ROBO1: variants seen among roughly 807,000 people sequenced by gnomAD.
ROBO1 encodes roundabout guidance receptor 1.
In ROBO1, 149 loss-of-function variants were observed where a neutral mutation model predicts 195.9. The ratio of observed to expected loss-of-function variants is 0.76; its 90% confidence interval spans 0.67 to 0.87. ROBO1 has a LOEUF of 0.87. Among genes scored for constraint, ROBO1 ranks in the 40% least tolerant of loss-of-function variants. The pLI, the probability that ROBO1 is intolerant of heterozygous loss-of-function variation, is 0.00. For synonymous variants in ROBO1, 816 were observed against 733.2 expected, an observed-to-expected ratio of 1.11 and a Z score of -1.82; for missense variants, 1,933 against 2,068.3, an observed-to-expected ratio of 0.93 and a Z score of 1.27.
At chr3:79,341,640 G>A (rs1045262949) in intron 2 of ROBO1, among the ~76,000 whole-genome samples, 1 of 151,788 alleles carries the variant, frequency 6.6e-6, no homozygotes, top group Non-Finnish European at 1.5e-5. Flanking sequence ...CACTGTGCCT[G>A]GCTTCTACTG....
At chr3:79,419,374 A>G (rs180766939) in intron 2 of ROBO1, among the ~76,000 whole-genome samples, 4 of 152,236 alleles carry the variant, frequency 2.6e-5, no homozygotes, top group Non-Finnish European at 4.4e-5. Flanking sequence ...TGAGTATGAC[A>G]TAGTCCAGCC....
At chr3:78,662,240 T>C (rs537093034) in intron 14 of ROBO1, 126 bp from the exon 15 acceptor site, 45 of 685,768 alleles carry the variant, frequency 6.6e-5, no homozygotes, top group Middle Eastern at 3.6e-4. Flanking sequence ...CAGGCTGTGA[T>C]TCGGAAAAAA....
intron 4 of ROBO1, among the ~76,000 whole-genome samples, chr3:78,906,019 A>G (rs162265): frequency 4.6e-5 from 7 of 151,960 alleles, no homozygotes; most frequent in Non-Finnish European, 5.9e-5. Flanking sequence ...TAACTCTAAT[A>G]AAAGTCTAAG....
intron 2 of ROBO1, among the ~76,000 whole-genome samples, chr3:79,428,208 T>C (rs188746515): frequency 1.3e-5 from 2 of 152,170 alleles, no homozygotes; most frequent in Admixed American, 6.6e-5. Flanking sequence ...AGGTGTCCAA[T>C]AGAGGTATCA....
chr3:79,633,430 G>C (rs1352682603), intron 1 of ROBO1, among the ~76,000 whole-genome samples: 2 of 148,754 alleles, frequency 1.3e-5, no homozygotes, highest in Non-Finnish European at 3.0e-5. Context: ...GGTCAAATGA[G>C]GAGGCTCAGC....
At chr3:79,092,479 CAG>C (rs1339131859) in intron 3 of ROBO1, among the ~76,000 whole-genome samples, 1 of 152,120 alleles carries the variant, frequency 6.6e-6, no homozygotes, top group Non-Finnish European at 1.5e-5. Context: ...AATTGCCAGA[CAG>C]AGATGTCATT....
At chr3:79,466,149 T>C (rs1389076070) in intron 2 of ROBO1, among the ~76,000 whole-genome samples, 1 of 152,144 alleles carries the variant, frequency 6.6e-6, no homozygotes, top group Non-Finnish European at 1.5e-5. Context: ...CTGAAGGATA[T>C]GAATGTATAT....
At chr3:79,468,143 A>C (rs915056628) in intron 2 of ROBO1, among the ~76,000 whole-genome samples, 1 of 152,222 alleles carries the variant, frequency 6.6e-6, no homozygotes, top group Non-Finnish European at 1.5e-5. Flanking sequence ...GAAACAAACC[A>C]GTAATATTTA....
intron 4 of ROBO1, among the ~76,000 whole-genome samples, chr3:78,768,989 T>C (rs1049315979): frequency 1.3e-5 from 2 of 152,164 alleles, no homozygotes; most frequent in African/African-American, 4.8e-5. Context: ...GCCTATCATA[T>C]GGTCTGTCTT....
chr3:78,857,094 T>C (rs1219385569), intron 4 of ROBO1, among the ~76,000 whole-genome samples: 1 of 152,166 alleles, frequency 6.6e-6, no homozygotes, highest in Non-Finnish European at 1.5e-5. Context: ...TGATGATAAA[T>C]ATTATTTATG....
chr3:78,931,209 A>T (rs2039504144), intron 4 of ROBO1, among the ~76,000 whole-genome samples: 2 of 150,504 alleles, frequency 1.3e-5, no homozygotes, highest in Admixed American at 1.3e-4. Flanking sequence ...TCTGACTTTT[A>T]AAAACAACAT....
At position 79,395,340 on chromosome 3, in the gene ROBO1, A is replaced by AAAAAGAAAGAAAG. The variant is rs71631648; in HGVS notation, c.88+194483_88+194484insCTTTCTTTCTTTT. Among the ~76,000 whole-genome samples, 27 of 119,084 alleles carry AAAAAGAAAGAAAG rather than the reference A, an allele frequency of 2.3e-4. 1 individual carries two copies. The highest frequency in any genetic ancestry group is 8.0e-4 in the African/African-American group (26 of 32,368). 78.1% of individuals were successfully genotyped at this position (119,084 alleles called of 152,430 possible). A position where few individuals can be genotyped will look rare whatever the true frequency, so the allele number is the denominator to read the frequency against. ...CCGTCTCAAAAAAAAAAAAAAAAAA[A>AAAAAGAAAGAAAG]AAAGAAAGAAAGAAAGAAAGAAAGA... On this transcript the variant is annotated intron_variant, in intron 2 of 30. Coordinates refer to ENST00000464233, the MANE Select transcript of ROBO1 (RefSeq NM_002941.4).
intron 2 of ROBO1, among the ~76,000 whole-genome samples, chr3:79,386,680 G>T (rs1412978778): frequency 6.6e-6 from 1 of 152,100 alleles, no homozygotes; most frequent in Non-Finnish European, 1.5e-5. Context: ...GTAGCTTCAC[G>T]CATTGGTTGT....
At chr3:78,677,275 A>C (rs992581513) in intron 10 of ROBO1, among the ~76,000 whole-genome samples, 5 of 152,230 alleles carry the variant, frequency 3.3e-5, no homozygotes, top group African/African-American at 1.2e-4. Flanking sequence ...CCAATGAGCA[A>C]AATAACCATC....
intron 1 of ROBO1, among the ~76,000 whole-genome samples, chr3:79,746,529 AC>A (rs972023947): frequency 1.3e-5 from 2 of 152,070 alleles, no homozygotes; most frequent in Non-Finnish European, 2.9e-5. Flanking sequence ...AATTTCAATG[AC>A]CAATTTATAA....
chr3:78,826,354 G>A (rs892434818), intron 4 of ROBO1, among the ~76,000 whole-genome samples: 3 of 152,104 alleles, frequency 2.0e-5, no homozygotes, highest in African/African-American at 7.2e-5. Flanking sequence ...TCTCAAAAAT[G>A]GTTTTAGCTC....
chr3:79,333,298 C>G (rs145640353), intron 2 of ROBO1, among the ~76,000 whole-genome samples: 68 of 151,976 alleles, frequency 4.5e-4, no homozygotes, highest in African/African-American at 1.5e-3. Context: ...TTTTCTCTCA[C>G]CCTTTGAAAT....
At chr3:79,647,878 G>A (rs1945879966) in intron 1 of ROBO1, among the ~76,000 whole-genome samples, 1 of 151,994 alleles carries the variant, frequency 6.6e-6, no homozygotes, top group Admixed American at 6.6e-5. Context: ...AAGATAGATT[G>A]TCTTACTTGT....
rs75586398 is a variant in ROBO1, at chr3:79,089,708, A to G, written c.172+35748T>C. Among the ~76,000 whole-genome samples the G allele has an allele frequency of 6.0e-4, 91 of 152,298 alleles. 4 individuals are homozygous for G. In the East Asian group the frequency reaches 0.013, roughly 22 times the overall value. ...CTATAATTCACAGAAAAATTTTCCAATCTAGAAGATAAGAATATTCATGAT... is the reference window on the plus strand; with the variant it reads ...CTATAATTCACAGAAAAATTTTCCAGTCTAGAAGATAAGAATATTCATGAT... On this transcript the variant is annotated intron_variant, in intron 3 of 30. Coordinates refer to ENST00000464233, the MANE Select transcript of ROBO1 (RefSeq NM_002941.4).
Sources: gnomAD v4.1 joint callset for allele counts (sites outside exome capture counted in the v4.1 genomes callset) on GRCh38, gnomAD v4.1.1 for gene constraint, MANE v1.5 for transcripts, NCBI Gene and HGNC (gene_info 2026-07-23, HGNC 2026-07-21) for gene names.